VCF2: variants seen among roughly 807,000 people sequenced by gnomAD.
VCF2 encodes protein VCF2.
the VCF2 span, among the ~76,000 whole-genome samples, chrX:55,156,745 T>C: frequency 9.0e-6 from 1 of 111,647 alleles, no homozygotes; most frequent in Admixed American, 9.5e-5. Flanking sequence ...AAAATTAAAT[T>C]TATAATAGAA....
chrX:55,154,909 G>T, the VCF2 span, among the ~76,000 whole-genome samples: 1 of 112,466 alleles, frequency 8.9e-6, no homozygotes, highest in Non-Finnish European at 1.9e-5. Flanking sequence ...TAATTCTTGA[G>T]CCTAATCAAG....
the VCF2 span, chrX:55,146,250 C>G: frequency 1.7e-6 from 2 of 1,209,621 alleles, no homozygotes; most frequent in African/African-American, 3.5e-5. Context: ...GCCTTCTGGT[C>G]CACTTGCTCT....
At chrX:55,145,203 C>T in the VCF2 span, 1 of 512,746 alleles carries the variant, frequency 2.0e-6, no homozygotes, top group Non-Finnish European at 2.4e-6. Context: ...ATTCTTGTTA[C>T]TTTAAACATC....
At chrX:55,155,941 C>CTTTTT in the VCF2 span, among the ~76,000 whole-genome samples, 2 of 50,526 alleles carry the variant, frequency 4.0e-5, no homozygotes, top group Non-Finnish European at 9.0e-5. Flanking sequence ...TCTTCTTCTT[C>CTTTTT]TTTTTTTTTT....
At chrX:55,145,290 C>T in the VCF2 span, 21 of 719,588 alleles carry the variant, frequency 2.9e-5, no homozygotes, top group East Asian at 3.1e-4. Flanking sequence ...AATGTGCTAA[C>T]GTAATAAATT....
the VCF2 span, among the ~76,000 whole-genome samples, chrX:55,151,780 T>C: frequency 1.8e-5 from 2 of 111,965 alleles, no homozygotes; most frequent in East Asian, 5.6e-4. Context: ...CTAAAATTTT[T>C]CCTGGCTACA....
At chrX:55,149,677 A>T in the VCF2 span, among the ~76,000 whole-genome samples, 16 of 111,862 alleles carry the variant, frequency 1.4e-4, no homozygotes, top group African/African-American at 5.2e-4. Context: ...CCGATGTCAG[A>T]GTAACAAGGT....
At chrX:55,159,574 T>G in the VCF2 span, among the ~76,000 whole-genome samples, 1 of 112,411 alleles carries the variant, frequency 8.9e-6, no homozygotes, top group African/African-American at 3.2e-5. Flanking sequence ...GAAGTTACAA[T>G]TCCAGGGTAA....
chrX:55,146,540 T>C, the VCF2 span, among the ~76,000 whole-genome samples: 1,782 of 112,140 alleles, frequency 0.016, 31 homozygotes, highest in African/African-American at 0.053. Flanking sequence ...TCCAAAGTCA[T>C]ATATCTACGA....
the VCF2 span, among the ~76,000 whole-genome samples, chrX:55,157,833 TCTTGTACTA>T: frequency 1.9e-3 from 217 of 111,995 alleles, no homozygotes; most frequent in African/African-American, 6.3e-3. Context: ...ACTCTTAATT[TCTTGTACTA>T]CTCAGTAATC....
chrX:55,145,191 T>A, the VCF2 span: 1 of 444,350 alleles, frequency 2.3e-6, no homozygotes, highest in Admixed American at 9.0e-5. Context: ...CCCACTTCCA[T>A]AATTCTTGTT....
chrX:55,155,543 A>G, the VCF2 span, among the ~76,000 whole-genome samples: 1 of 112,168 alleles, frequency 8.9e-6, no homozygotes, highest in African/African-American at 3.2e-5. Context: ...TGCTCAGTAA[A>G]TATTTGGTAA....
the VCF2 span, among the ~76,000 whole-genome samples, chrX:55,150,571 C>T: frequency 8.9e-6 from 1 of 111,830 alleles, no homozygotes; most frequent in Non-Finnish European, 1.9e-5. Flanking sequence ...TTGGGAACCT[C>T]TGGTATATGT....
At chrX:55,153,876 A>G in the VCF2 span, among the ~76,000 whole-genome samples, 1 of 111,745 alleles carries the variant, frequency 8.9e-6, no homozygotes, top group Non-Finnish European at 1.9e-5. Context: ...TTAGCCTAGT[A>G]AAGAGCATCT....
chrX:55,152,767 C>T, the VCF2 span, among the ~76,000 whole-genome samples: 1 of 111,871 alleles, frequency 8.9e-6, no homozygotes, highest in Non-Finnish European at 1.9e-5. Context: ...AATTTGCCCA[C>T]AAAGAAATTC....
the VCF2 span, chrX:55,145,518 T>C: frequency 1.3e-6 from 1 of 754,830 alleles, no homozygotes; most frequent in African/African-American, 2.3e-5. Context: ...ATTGTTGCCA[T>C]TACAACTAGA....
the VCF2 span, among the ~76,000 whole-genome samples, chrX:55,154,008 C>A: frequency 8.9e-6 from 1 of 112,251 alleles, no homozygotes; most frequent in Admixed American, 9.4e-5. Flanking sequence ...ATGTGAGATC[C>A]CACTTAATGG....
chrX:55,143,679 C>T, the VCF2 span: 1 of 570,565 alleles, frequency 1.8e-6, no homozygotes, highest in Non-Finnish European at 2.9e-6. Context: ...TTCTGAGCCC[C>T]TACTTGACCC....
chrX:55,160,543 G>A, the VCF2 span, among the ~76,000 whole-genome samples: 3 of 112,191 alleles, frequency 2.7e-5, no homozygotes, highest in African/African-American at 9.7e-5. Flanking sequence ...ATGATTAATG[G>A]TCACGGCTGG....
Sources: gnomAD v4.1 joint callset for allele counts (sites outside exome capture counted in the v4.1 genomes callset) on GRCh38, gnomAD v4.1.1 for gene constraint, MANE v1.5 for transcripts, NCBI Gene and HGNC (gene_info 2026-07-23, HGNC 2026-07-21) for gene names.